Variants in NAV1 observed in about 807,000 individuals in gnomAD.
NAV1 encodes pore membrane and/or filament interacting like protein 3.
Under a neutral mutation model 175.2 loss-of-function variants are expected in NAV1, and 18 were observed. The ratio of observed to expected loss-of-function variants is 0.10; its 90% CI spans 0.07 to 0.15. The LOEUF (loss-of-function observed/expected upper bound fraction) is 0.15, where lower values mean the gene tolerates loss of function less well. Among genes scored for constraint, NAV1 ranks in the 10% least tolerant of loss-of-function variants. NAV1 has a pLI of 1.00. For synonymous variants in NAV1, 897 were observed against 978.7 expected, an observed-to-expected ratio of 0.92 and a Z score of 1.56; for missense variants, 1,731 against 2,436.6, an observed-to-expected ratio of 0.71 and a Z score of 6.10.
At chr1:201,621,802 C>T (rs190594595), upstream of NAV1, among the ~76,000 whole-genome samples, 1 of 152,314 alleles carries the variant, frequency 6.6e-6, no homozygotes, top group Admixed American at 6.5e-5. Context: ...ATTATGGAAA[C>T]GTTCATGCAT....
intron 1 of NAV1, among the ~76,000 whole-genome samples, chr1:201,701,787 G>C (rs921295017): frequency 1.3e-5 from 2 of 152,214 alleles, no homozygotes; most frequent in Non-Finnish European, 2.9e-5. Flanking sequence ...TGATGGGAAT[G>C]AGAAATGGAG....
intron 3 of NAV1, among the ~76,000 whole-genome samples, chr1:201,749,804 G>A (rs1673993541): frequency 6.6e-6 from 1 of 152,162 alleles, no homozygotes; most frequent in Non-Finnish European, 1.5e-5. Flanking sequence ...AGGAGGCTGA[G>A]GTTGGAGGAT....
intron 1 of NAV1, among the ~76,000 whole-genome samples, chr1:201,657,947 C>A (rs1232804524): frequency 6.6e-6 from 1 of 152,130 alleles, no homozygotes; most frequent in Non-Finnish European, 1.5e-5. Flanking sequence ...GTGGAAGGAT[C>A]ACTTGAGCCC....
chr1:201,684,380 C>T (rs1571882588), intron 1 of NAV1, among the ~76,000 whole-genome samples: 1 of 151,714 alleles, frequency 6.6e-6, no homozygotes, highest in Admixed American at 6.6e-5. Context: ...TATATGTAAA[C>T]TGTGTGTGTG....
chr1:201,756,808 CCTTCTTTCTTTCTTT>C (rs1335140842), intron 3 of NAV1, among the ~76,000 whole-genome samples: 2 of 22,760 alleles, frequency 8.8e-5, no homozygotes, highest in Non-Finnish European at 2.0e-4. Context: ...TTCTTTCTTT[CCTTCTTTCTTTCTTT>C]CTTTCTTTCT....
chr1:201,649,225 G>A, exon 1 of NAV1: 5 of 1,613,102 alleles, frequency 3.1e-6, no homozygotes, highest in Non-Finnish European at 3.4e-6. Context: ...AAGCCGCTCA[G>A]CAAGGCGCCT....
intron 1 of NAV1, among the ~76,000 whole-genome samples, chr1:201,552,725 C>G (rs1665896143): frequency 6.6e-6 from 1 of 152,170 alleles, no homozygotes; most frequent in African/African-American, 2.4e-5. Context: ...TCGCTGCACC[C>G]CCATGTATAA....
chr1:201,782,600 C>G lies in NAV1; in HGVS notation c.2088C>G (p.Ser696Arg), dbSNP rs1249385877. Reference sequence around the variant, plus strand: ...GGGGTGGACCTCGCCCTGTGAGCAGCAGCATTGACCCCAGTCTCCTCAGCA... The same window carrying G: ...GGGGTGGACCTCGCCCTGTGAGCAGGAGCATTGACCCCAGTCTCCTCAGCA... Residue 696 changes from serine to arginine, a missense_variant, in exon 6 of 30, where the codon AGC becomes AGG. Transcript: ENST00000367296. This position sits in a 1 kb window ranked among gnomAD's most constrained non-coding sequence, Gnocchi z 5.4. The G allele has an allele frequency of 6.2e-7, 1 of 1,613,808 alleles. No homozygotes were observed.
At chr1:201,557,658 C>T (rs1370111489) in intron 1 of NAV1, among the ~76,000 whole-genome samples, 1 of 152,142 alleles carries the variant, frequency 6.6e-6, no homozygotes, top group Non-Finnish European at 1.5e-5. Flanking sequence ...AACTGAGGAC[C>T]GGCTTGCCCA....
chr1:201,742,313 G>A (rs1363627611), intron 3 of NAV1, among the ~76,000 whole-genome samples: 1 of 152,208 alleles, frequency 6.6e-6, no homozygotes, highest in Non-Finnish European at 1.5e-5. Context: ...CTGGGAAGAT[G>A]TGAGGGTATT....
intron 3 of NAV1, among the ~76,000 whole-genome samples, chr1:201,729,072 C>G (rs12565521): frequency 0.14 from 21,678 of 152,208 alleles, 1,946 homozygotes; most frequent in East Asian, 0.36. Context: ...CTTGGCTTTT[C>G]CCCCACCAGC....
chr1:201,772,400 G>C (rs1377773612), intron 3 of NAV1, among the ~76,000 whole-genome samples: 3 of 152,188 alleles, frequency 2.0e-5, no homozygotes, highest in African/African-American at 7.2e-5. Context: ...TGTGAGGACC[G>C]GCTCCTCATG....
intron 3 of NAV1, among the ~76,000 whole-genome samples, chr1:201,735,212 G>A (rs1467297050): frequency 6.6e-6 from 1 of 152,196 alleles, no homozygotes; most frequent in Non-Finnish European, 1.5e-5. Context: ...GCAAGAAGTG[G>A]TGCCATTGAC....
chr1:201,811,498 C>T, intron 24 of NAV1, 105 bp from the exon 29 acceptor site: 1 of 1,391,998 alleles, frequency 7.2e-7, no homozygotes, highest in Non-Finnish European at 1.0e-6. Context: ...AACTAAAGGC[C>T]CCAGGGGAAT....
At chr1:201,804,711 G>C (rs1216754941) in intron 17 of NAV1, among the ~76,000 whole-genome samples, 1 of 152,072 alleles carries the variant, frequency 6.6e-6, no homozygotes, top group Admixed American at 6.6e-5. Flanking sequence ...GAGTGGTCTG[G>C]TTGGGGGCCA....
intron 4 of NAV1, 89 bp downstream of exon 8, chr1:201,780,648 A>T: frequency 6.5e-7 from 1 of 1,536,670 alleles, no homozygotes; most frequent in Non-Finnish European, 8.9e-7. Flanking sequence ...GCACGTACAC[A>T]CCCACTCCAT....
chr1:201,698,650 G>A (rs1157477026), intron 1 of NAV1, among the ~76,000 whole-genome samples: 2 of 152,210 alleles, frequency 1.3e-5, no homozygotes, highest in African/African-American at 4.8e-5. Flanking sequence ...TCTGGTGCAG[G>A]CAGGAGTGTG....
chr1:201,677,535 G>A (rs1254989010), intron 1 of NAV1, among the ~76,000 whole-genome samples: 4 of 152,032 alleles, frequency 2.6e-5, no homozygotes, highest in Non-Finnish European at 4.4e-5. Context: ...TGGGACTCAC[G>A]GTGCTTTTTT....
In NAV1 at chr1:201,669,413, G is replaced by C. The variant is rs182139141; in HGVS notation, c.757+19988G>C. 2.8e-3 allele frequency among the ~76,000 whole-genome samples: 424 copies of C among 152,306 alleles called. 1 individual carries two copies. Among genetic ancestry groups the C allele is most frequent in the African/African-American group, 9.6e-3 (400 of 41,576 alleles). On this transcript the variant is annotated intron_variant, in intron 1 of 29. Transcript: ENST00000367296. ...ATGTGTCAGCACAGAGGTCCGAGGA[G>C]GCTCAAGTATTTGAGGAAAGTGGAA...
Sources: allele counts gnomAD v4.1 joint callset (sites outside exome capture counted in the v4.1 genomes callset), GRCh38; gene constraint gnomAD v4.1.1; non-coding constraint Gnocchi (gnomAD v3.1); transcripts MANE v1.5; gene names NCBI Gene and HGNC (gene_info 2026-07-23, HGNC 2026-07-21).